The following ADGRD1 variants were observed in gnomAD, a reference collection of about 807,000 sequenced individuals.
ADGRD1 encodes the protein G-protein coupled receptor 133.
ADGRD1 carries 77 observed loss-of-function variants against 113.4 expected under a neutral mutation model. The observed-to-expected ratio is 0.68, with a 90% CI of 0.57 to 0.82. The LOEUF is 0.82. Ranked by LOEUF, ADGRD1 falls within the 40% of genes least tolerant of loss-of-function variation. The probability of loss-of-function intolerance (pLI) is 0.00; values close to 1 mark genes in which losing one functional copy is unlikely to be tolerated. For missense variants in ADGRD1, 1,036 were observed against 1,139.1 expected (o/e 0.91, Z 1.30); for synonymous variants, 474 against 475.0 (o/e 1.00, Z 0.03).
chr12:131,136,170 G>A lies in ADGRD1; in HGVS notation c.2394+7G>A. ...CACGCTCAACTCCCTGCAGGTGAGA[G>A]CCGCGGGGACTGGCGGGGAGGCAGG... On this transcript the variant is annotated splice_region_variant and intron_variant, in intron 22 of 24. Transcript: ENST00000261654. 2 of 1,613,912 alleles carry A rather than the reference G, an allele frequency of 1.2e-6. No individual in the cohort carries two copies. Among genetic ancestry groups the A allele is most frequent in the Non-Finnish European group, 1.7e-6 (2 of 1,179,928 alleles).
Position 131,131,709 on chromosome 12 carries a change from A to G in ADGRD1, c.2176-16A>G, listed in dbSNP as rs1459671202. 19 of 1,589,404 alleles carry G rather than the reference A, an allele frequency of 1.2e-5. No homozygotes were observed. Among genetic ancestry groups the G allele is most frequent in the Non-Finnish European group, 1.6e-5 (18 of 1,160,658 alleles). The stretch of plus-strand genomic sequence containing the variant: ...GCCCAGGCCCCCCTCACCTTCCTCC[A>G]TGGTTTCTTGTGCAGGTCAACATTG... On this transcript the variant is annotated splice_polypyrimidine_tract_variant and intron_variant, in intron 20 of 24. Transcript: ENST00000261654.
chr12:131,077,747 T>C (rs755120335), intron 14 of ADGRD1, among the ~76,000 whole-genome samples: 2 of 152,130 alleles, frequency 1.3e-5, no homozygotes, highest in Non-Finnish European at 2.9e-5. Context: ...TTTTTGTTTT[T>C]GTTTTTTTGA....
intron 13 of ADGRD1, among the ~76,000 whole-genome samples, chr12:131,066,394 C>T (rs1884722493): frequency 1.3e-5 from 2 of 152,148 alleles, no homozygotes; most frequent in African/African-American, 2.4e-5. Context: ...GGCCTGTCAG[C>T]ACCTTCCAGG....
At chr12:131,002,316 C>T (rs1007634519) in intron 9 of ADGRD1, among the ~76,000 whole-genome samples, 11 of 152,238 alleles carry the variant, frequency 7.2e-5, no homozygotes, top group African/African-American at 2.7e-4. Flanking sequence ...CCCCACAGAA[C>T]TGCATGCCAG....
intron 18 of ADGRD1, among the ~76,000 whole-genome samples, chr12:131,114,241 C>A (rs886274341): frequency 1.4e-4 from 21 of 152,158 alleles, no homozygotes; most frequent in African/African-American, 3.9e-4. Context: ...GAATTATTTG[C>A]CAATATTTTA....
In ADGRD1 at chr12:131,084,447, C is replaced by T. The variant is rs554954337; in HGVS notation, c.1548-93C>T. 79 of 1,404,680 alleles carry T rather than the reference C, an allele frequency of 5.6e-5. No individual in the cohort carries two copies. In the African/African-American group the frequency reaches 7.8e-4, roughly 14 times the overall value. 87.0% of individuals were successfully genotyped at this position (1,404,680 alleles called of 1,614,324 possible). A position where few individuals can be genotyped will look rare whatever the true frequency, so the allele number is the denominator to read the frequency against. ...AGGTGTGGGCGCCGCCATGAGTTCA[C>T]GGGGCCATGTGTTATGGGGGGTGCT... On this transcript the variant is annotated intron_variant, in intron 14 of 24. Coordinates refer to ENST00000261654, the MANE Select transcript of ADGRD1 (RefSeq NM_198827.5). This position sits in a 1 kb window ranked among gnomAD's most constrained non-coding sequence, Gnocchi z 4.5.
chr12:131,000,778 A>G (rs1321957307), intron 9 of ADGRD1, among the ~76,000 whole-genome samples: 2 of 151,686 alleles, frequency 1.3e-5, no homozygotes, highest in African/African-American at 4.8e-5. Flanking sequence ...GAGAGAGAGA[A>G]AAGAACATTT....
chr12:131,039,762 G>T (rs1881929212), intron 13 of ADGRD1, among the ~76,000 whole-genome samples: 1 of 152,238 alleles, frequency 6.6e-6, no homozygotes, highest in Non-Finnish European at 1.5e-5. Context: ...CTGGGAAAGG[G>T]CCCAGACTCA....
chr12:131,083,108 T>C lies in ADGRD1; in HGVS notation c.1548-1432T>C, dbSNP rs888433692. Among the ~76,000 whole-genome samples the C allele has an allele frequency of 6.6e-5, 10 of 152,328 alleles. No individual in the cohort carries two copies. In the East Asian group the frequency reaches 1.9e-3, roughly 29 times the overall value. ...TGCCATCGGACAGCCACAGTTCTCATCTGCCACATCCATGCTGACACCGCA... is the reference window on the plus strand; with the variant it reads ...TGCCATCGGACAGCCACAGTTCTCACCTGCCACATCCATGCTGACACCGCA... On this transcript the variant is annotated intron_variant, in intron 14 of 24. Coordinates refer to ENST00000261654, the MANE Select transcript of ADGRD1 (RefSeq NM_198827.5).
chr12:130,974,636 G>A (rs1319043570), intron 4 of ADGRD1, among the ~76,000 whole-genome samples: 1 of 151,764 alleles, frequency 6.6e-6, no homozygotes, highest in African/African-American at 2.4e-5. Context: ...TCCAGCCCCT[G>A]CCTAACAGGC....
At position 131,084,677 on chromosome 12, in the gene ADGRD1, C is replaced by T. The variant is rs759601097; in HGVS notation, c.1671+14C>T. 2 of 1,613,610 alleles carry T rather than the reference C, an allele frequency of 1.2e-6. No individual in the cohort carries two copies. Among genetic ancestry groups the T allele is most frequent in the East Asian group, 2.2e-5 (1 of 44,854 alleles). On this transcript the variant is annotated intron_variant, in intron 15 of 24. Transcript: ENST00000261654. This position sits in a 1 kb window ranked among gnomAD's most constrained non-coding sequence, Gnocchi z 4.5. ...GTCCCGCTGGAGGTAAGAGCCAGGC[C>T]TCAGGGGTCGCGGGACCTGGGGGAC...
intron 3 of ADGRD1, chr12:130,969,904 A>G (rs1252267115): frequency 5.3e-5 from 8 of 152,194 alleles, no homozygotes; most frequent in Admixed American, 1.3e-4. Flanking sequence ...CTAGACATAG[A>G]GATTGTTTGG....
In ADGRD1 at chr12:131,108,671, G is replaced by A. The variant is rs563357365; in HGVS notation, c.1888-53G>A. The A allele has an allele frequency of 6.8e-5, 110 of 1,612,864 alleles. No homozygotes were observed. In the African/African-American group the frequency reaches 9.1e-4, roughly 13 times the overall value. On this transcript the variant is annotated intron_variant, in intron 17 of 24. Transcript: ENST00000261654. ...ACTGGGAGGCTGGGATCATAGCCAC[G>A]CCCAGGGCCCACCCCAGAGCTGTCT...
At chr12:130,974,126 C>T (rs1872030829) in intron 4 of ADGRD1, among the ~76,000 whole-genome samples, 2 of 152,150 alleles carry the variant, frequency 1.3e-5, no homozygotes, top group Admixed American at 6.5e-5. Context: ...ATGCCTTTCC[C>T]GCTTTCCTCT....
intron 2 of ADGRD1, chr12:130,962,846 A>C (rs1276106339): frequency 6.6e-6 from 1 of 152,182 alleles, no homozygotes; most frequent in Non-Finnish European, 1.5e-5. Context: ...GACAGATGCA[A>C]ATTGAAAAGT....
chr12:131,018,550 G>C (rs1878919546), intron 13 of ADGRD1, among the ~76,000 whole-genome samples: 1 of 151,960 alleles, frequency 6.6e-6, no homozygotes, highest in South Asian at 2.1e-4. Flanking sequence ...ACTGACTTCA[G>C]GCCACGAGGA....
intron 15 of ADGRD1, among the ~76,000 whole-genome samples, chr12:131,100,885 T>TTAATCAGTGATTAATACATCAC (rs1356603345): frequency 2.0e-5 from 3 of 152,220 alleles, no homozygotes; most frequent in Non-Finnish European, 4.4e-5. Flanking sequence ...TTAAAAGATA[T>TTAATCAGTGATTAATACATCAC]TAATCAGTGA....
intron 13 of ADGRD1, among the ~76,000 whole-genome samples, chr12:131,031,820 C>A (rs901940762): frequency 6.6e-6 from 1 of 152,288 alleles, no homozygotes; most frequent in African/African-American, 2.4e-5. Context: ...ACCAAACATC[C>A]GGGTCACTTC....
intron 13 of ADGRD1, among the ~76,000 whole-genome samples, chr12:131,054,630 T>C (rs1037928040): frequency 1.3e-5 from 2 of 152,196 alleles, no homozygotes; most frequent in African/African-American, 4.8e-5. Flanking sequence ...TTCCCTGTTC[T>C]GGGCGCTTCC....
Sources: gnomAD v4.1 joint callset for allele counts (sites outside exome capture counted in the v4.1 genomes callset) on GRCh38, gnomAD v4.1.1 for gene constraint, Gnocchi (gnomAD v3.1) non-coding constraint, MANE v1.5 for transcripts, NCBI Gene and HGNC (gene_info 2026-07-23, HGNC 2026-07-21) for gene names.